Variants in MYRIP observed in about 807,000 individuals in gnomAD.
The protein encoded by MYRIP is rab effector MyRIP.
Under a neutral mutation model 98.0 loss-of-function variants are expected in MYRIP, and 49 were observed. The observed-to-expected ratio is 0.50, with a 90% CI of 0.40 to 0.63. The LOEUF (loss-of-function observed/expected upper bound fraction) is 0.63. Ranked by LOEUF, MYRIP falls within the 30% of genes least tolerant of loss-of-function variation. The pLI, the probability that MYRIP is intolerant of heterozygous loss-of-function variation, is 0.00. For missense variants in MYRIP, 1,004 were observed against 1,058.2 expected, an observed-to-expected ratio of 0.95 and a Z score of 0.71; for synonymous variants, 404 against 409.5, an observed-to-expected ratio of 0.99 and a Z score of 0.16.
intron 1 of MYRIP, among the ~76,000 whole-genome samples, chr3:39,834,010 C>G (rs1941549159): frequency 6.6e-6 from 1 of 152,168 alleles, no homozygotes; most frequent in Non-Finnish European, 1.5e-5. Flanking sequence ...GCCTGGGCAA[C>G]AAGAGCGAAA....
chr3:40,162,581 G>A (rs1950419518), intron 4 of MYRIP, 149 bp from the exon 5 acceptor site: 1 of 611,902 alleles, frequency 1.6e-6, no homozygotes, highest in Admixed American at 3.0e-5. Context: ...GCATTATTGT[G>A]GGACCTCATG....
chr3:40,175,072 T>C (rs1950719456), intron 8 of MYRIP, among the ~76,000 whole-genome samples: 1 of 151,330 alleles, frequency 6.6e-6, no homozygotes, highest in South Asian at 2.1e-4. Context: ...ACCTGGGAGG[T>C]GGAGATTGCG....
At chr3:40,165,436 T>A (rs954563282) in intron 5 of MYRIP, among the ~76,000 whole-genome samples, 5 of 152,222 alleles carry the variant, frequency 3.3e-5, no homozygotes, top group Admixed American at 6.5e-5. Context: ...CCCTGTCTCA[T>A]TCCACAAAGA....
intron 2 of MYRIP, among the ~76,000 whole-genome samples, chr3:39,982,363 C>T (rs1054206954): frequency 2.6e-5 from 4 of 152,082 alleles, no homozygotes; most frequent in African/African-American, 7.2e-5. Flanking sequence ...GAAATTGGAC[C>T]GCTATTTATA....
At chr3:40,116,067 A>G (rs1267495077) in intron 3 of MYRIP, among the ~76,000 whole-genome samples, 1 of 152,198 alleles carries the variant, frequency 6.6e-6, no homozygotes, top group Non-Finnish European at 1.5e-5. Context: ...CCCAAATGTC[A>G]TTATAGAAGC....
At chr3:40,032,861 CT>C (rs1486042520) in intron 2 of MYRIP, among the ~76,000 whole-genome samples, 3 of 152,144 alleles carry the variant, frequency 2.0e-5, no homozygotes, top group Non-Finnish European at 2.9e-5. Flanking sequence ...CATCAAAAAG[CT>C]TATCCACCAT....
intron 2 of MYRIP, among the ~76,000 whole-genome samples, chr3:39,981,256 T>A (rs1287335566): frequency 6.6e-6 from 1 of 152,188 alleles, no homozygotes; most frequent in African/African-American, 2.4e-5. Context: ...TCTGGTTTTT[T>A]AATTTTACAC....
intron 3 of MYRIP, among the ~76,000 whole-genome samples, chr3:40,060,795 G>A (rs1250041223): frequency 1.3e-5 from 2 of 151,978 alleles, no homozygotes; most frequent in Non-Finnish European, 1.5e-5. Context: ...GTTTCATTAT[G>A]TTGGCCAGGC....
chr3:40,242,272 A>G (rs1039424605), intron 12 of MYRIP: 3 of 152,290 alleles, frequency 2.0e-5, no homozygotes, highest in Non-Finnish European at 4.4e-5. Flanking sequence ...CATCATCATC[A>G]TCATCATCAT....
At chr3:40,081,918 G>A (rs866586351) in intron 3 of MYRIP, among the ~76,000 whole-genome samples, 4 of 152,144 alleles carry the variant, frequency 2.6e-5, no homozygotes, top group Admixed American at 2.0e-4. Context: ...GCAAGATCAT[G>A]TACTATTTGT....
intron 1 of MYRIP, among the ~76,000 whole-genome samples, chr3:39,851,801 G>A (rs568831493): frequency 3.9e-5 from 6 of 152,238 alleles, no homozygotes; most frequent in Admixed American, 1.3e-4. Flanking sequence ...AGAGGCAATG[G>A]TTCAAATAGA....
intron 3 of MYRIP, among the ~76,000 whole-genome samples, chr3:40,092,411 C>T (rs886688051): frequency 6.6e-6 from 1 of 152,156 alleles, no homozygotes; most frequent in Non-Finnish European, 1.5e-5. Flanking sequence ...TCCCCAAAAC[C>T]CTCTCCCAGG....
chr3:39,840,789 C>T (rs961482524), intron 1 of MYRIP, among the ~76,000 whole-genome samples: 1 of 152,094 alleles, frequency 6.6e-6, no homozygotes, highest in Non-Finnish European at 1.5e-5. Context: ...GAATATTGGC[C>T]CCACTCTCTT....
intron 2 of MYRIP, among the ~76,000 whole-genome samples, chr3:40,018,330 T>A (rs1239007204): frequency 6.6e-6 from 1 of 152,214 alleles, no homozygotes; most frequent in Non-Finnish European, 1.5e-5. Context: ...TGCCATGATA[T>A]AAATCGAGTG....
chr3:39,828,902 C>T (rs911473621), intron 1 of MYRIP, among the ~76,000 whole-genome samples: 7 of 152,168 alleles, frequency 4.6e-5, no homozygotes, highest in Non-Finnish European at 7.3e-5. Flanking sequence ...GTTGGTTCCA[C>T]GATTCTGCTA....
At chr3:39,948,995 G>C (rs1393696045) in intron 2 of MYRIP, among the ~76,000 whole-genome samples, 1 of 152,116 alleles carries the variant, frequency 6.6e-6, no homozygotes, top group Non-Finnish European at 1.5e-5. Context: ...GTGCTGACAG[G>C]TATTTTAGTG....
At chr3:39,832,345 T>G (rs1941475503) in intron 1 of MYRIP, among the ~76,000 whole-genome samples, 1 of 152,252 alleles carries the variant, frequency 6.6e-6, no homozygotes, top group African/African-American at 2.4e-5. Flanking sequence ...CTATTAGAAA[T>G]GTGAGAAATT....
At chr3:40,198,110 A>G (rs1223414297) in intron 10 of MYRIP, among the ~76,000 whole-genome samples, 1 of 152,184 alleles carries the variant, frequency 6.6e-6, no homozygotes, top group Non-Finnish European at 1.5e-5. Flanking sequence ...CTTTATCACT[A>G]CACCTCCCAG....
intron 2 of MYRIP, among the ~76,000 whole-genome samples, chr3:39,975,775 C>T (rs1945734096): frequency 6.6e-6 from 1 of 152,104 alleles, no homozygotes. Context: ...CTTTGACAAA[C>T]CTGAGAAAAA....
Sources: allele counts gnomAD v4.1 joint callset (sites outside exome capture counted in the v4.1 genomes callset), GRCh38; gene constraint gnomAD v4.1.1; transcripts MANE v1.5; gene names NCBI Gene and HGNC (gene_info 2026-07-23, HGNC 2026-07-21).